The following LIN28A variants were observed in gnomAD, a reference collection of about 807,000 sequenced individuals.
The protein encoded by LIN28A is lin-28 RNA binding posttranscriptional regulator A, also known as protein lin-28 homolog A.
In LIN28A, 11 loss-of-function variants were observed where a neutral mutation model predicts 21.1. The ratio of observed to expected loss-of-function variants is 0.52; its 90% CI spans 0.33 to 0.86. The LOEUF is 0.86. Ranked by LOEUF, LIN28A falls within the 40% of genes least tolerant of loss-of-function variation. The probability of loss-of-function intolerance (pLI) is 0.03; values close to 1 mark genes in which losing one functional copy is unlikely to be tolerated. For synonymous variants in LIN28A, 111 were observed against 108.7 expected (o/e 1.02, Z -0.13); for missense variants, 219 against 279.8 (o/e 0.78, Z 1.55).
At chr1:26,417,079 T>C (rs933226417) in intron 2 of LIN28A, among the ~76,000 whole-genome samples, 5 of 152,230 alleles carry the variant, frequency 3.3e-5, no homozygotes, top group Non-Finnish European at 7.3e-5. Context: ...ACAAGATGAC[T>C]GCCCTAAGGA....
Position 26,411,688 on chromosome 1 carries a change from A to G in LIN28A, c.228+106A>G. On this transcript the variant is annotated intron_variant, in intron 2 of 3. Coordinates refer to ENST00000326279, the MANE Select transcript of LIN28A (RefSeq NM_024674.6). This position sits in a 1 kb window ranked among gnomAD's most constrained non-coding sequence, Gnocchi z 5.4. The stretch of plus-strand genomic sequence containing the variant: ...GAATTGAGGGCCATCGGGAGCCCTC[A>G]TTATGCATCCCTGTCTTTGCTTCGG... 1.8e-6 allele frequency: 2 copies of G among 1,129,116 alleles called. No individual in the cohort carries two copies. The highest frequency in any genetic ancestry group is 1.6e-5 in the African/African-American group (1 of 62,712). The allele number at this position is 1,129,116 out of a possible 1,614,324, so 69.9% of individuals were successfully genotyped here.
intron 2 of LIN28A, among the ~76,000 whole-genome samples, chr1:26,414,397 A>G (rs1006986327): frequency 6.6e-6 from 1 of 152,096 alleles, no homozygotes; most frequent in Non-Finnish European, 1.5e-5. Flanking sequence ...GGGAAAGGCA[A>G]TTTAAAAACA....
In LIN28A at chr1:26,426,224, G is replaced by A. The variant is rs373605669; in HGVS notation, c.414-18G>A. ...TCTTGCTCCTTTCTCTTACTTTTAC[G>A]ATCTTGCTTTGTACTAGGTGCTACA... is the stretch of plus-strand genomic sequence containing the variant. On this transcript the variant is annotated intron_variant, in intron 3 of 3. Transcript: ENST00000326279. 62 of 1,606,190 alleles carry A rather than the reference G, an allele frequency of 3.9e-5. No individual in the cohort carries two copies. Among genetic ancestry groups the A allele is most frequent in the Non-Finnish European group, 4.6e-5 (54 of 1,173,070 alleles).
intron 2 of LIN28A, among the ~76,000 whole-genome samples, chr1:26,424,135 T>C (rs1387392935): frequency 1.3e-5 from 2 of 152,186 alleles, no homozygotes; most frequent in Non-Finnish European, 1.5e-5. Flanking sequence ...TTTGTATTTT[T>C]TCCAGTATTC....
intron 3 of LIN28A, 120 bp from the exon 4 acceptor site, chr1:26,426,122 G>T (rs1259584546): frequency 6.9e-6 from 5 of 720,992 alleles, no homozygotes; most frequent in African/African-American, 3.6e-5. Context: ...GGGAAGTTTG[G>T]TCTCTGGGAA....
chr1:26,421,028 T>C (rs564696901), intron 2 of LIN28A, among the ~76,000 whole-genome samples: 1 of 152,288 alleles, frequency 6.6e-6, no homozygotes, highest in Admixed American at 6.5e-5. Context: ...ACTACTTTTT[T>C]TTTTTTTCTT....
Position 26,411,288 on chromosome 1 carries a change from C to T in LIN28A, c.32-98C>T, listed in dbSNP as rs2074957184. On this transcript the variant is annotated intron_variant, in intron 1 of 3. Coordinates refer to ENST00000326279, the MANE Select transcript of LIN28A (RefSeq NM_024674.6). The surrounding 1 kb of genome is among the most constrained non-coding windows in gnomAD (Gnocchi z 5.4). ...GTAGCTGCCCCCTCCTGGCTGTCCA[C>T]TTGTGGGGCTGGATACTCGGGTCTC... 1 of 1,220,708 alleles carries T rather than the reference C, an allele frequency of 8.2e-7. No homozygotes were observed. The highest frequency in any genetic ancestry group is 1.1e-6 in the Non-Finnish European group (1 of 903,714). The allele number at this position is 1,220,708 out of a possible 1,614,324, so 75.6% of individuals were successfully genotyped here.
At chr1:26,417,323 ACCTCCTTGACACACAC>A (rs1373715342) in intron 2 of LIN28A, among the ~76,000 whole-genome samples, 3 of 151,990 alleles carry the variant, frequency 2.0e-5, no homozygotes, top group East Asian at 1.9e-4. Flanking sequence ...CCTTTCACCA[ACCTCCTTGACACACAC>A]CCTCCTTGAC....
chr1:26,420,003 G>A (rs187630444), intron 2 of LIN28A, among the ~76,000 whole-genome samples: 75 of 152,222 alleles, frequency 4.9e-4, no homozygotes, highest in African/African-American at 1.7e-3. Flanking sequence ...TCTCACCCAG[G>A]CAGGAGTGCA....
At chr1:26,426,203 G>T in intron 3 of LIN28A, 39 bp from the exon 4 acceptor site, 2 of 1,563,954 alleles carry the variant, frequency 1.3e-6, no homozygotes, top group African/African-American at 2.7e-5. Context: ...GCCTCTTCTT[G>T]CTCCTTTCTC....
chr1:26,423,584 T>G (rs1187093584), intron 2 of LIN28A, among the ~76,000 whole-genome samples: 1 of 151,446 alleles, frequency 6.6e-6, no homozygotes, highest in Non-Finnish European at 1.5e-5. Flanking sequence ...TAATTTTGTA[T>G]TTTTAGTAGT....
intron 2 of LIN28A, among the ~76,000 whole-genome samples, chr1:26,412,256 G>A (rs1338686052): frequency 2.0e-5 from 3 of 152,126 alleles, no homozygotes; most frequent in Non-Finnish European, 4.4e-5. Context: ...AAGTCGGTAG[G>A]TCGCAACCCC....
At chr1:26,422,044 T>C (rs1398870196) in intron 2 of LIN28A, among the ~76,000 whole-genome samples, 1 of 150,850 alleles carries the variant, frequency 6.6e-6, no homozygotes, top group Non-Finnish European at 1.5e-5. Flanking sequence ...GGTCTCACTC[T>C]GTCACCCAGC....
At chr1:26,425,691 G>A (rs1208307716) in intron 3 of LIN28A, among the ~76,000 whole-genome samples, 4 of 152,202 alleles carry the variant, frequency 2.6e-5, no homozygotes, top group Non-Finnish European at 5.9e-5. Flanking sequence ...CTTGGGACAA[G>A]TAAGTTTGCT....
Position 26,426,394 on chromosome 1 carries a change from C to T in LIN28A, c.566C>T (p.Thr189Ile), listed in dbSNP as rs201124162. The T allele has an allele frequency of 5.6e-4, 907 of 1,614,096 alleles. No homozygotes were observed. Among genetic ancestry groups the T allele is most frequent in the Non-Finnish European group, 7.1e-4 (837 of 1,180,050 alleles). Residue 189 changes from threonine (T) to isoleucine (I), a missense_variant, in exon 4 of 4, where the codon ACC (threonine) becomes ATC (isoleucine). Around this residue, in one of 3 missense-constraint regions of LIN28A, gnomAD observed 45 missense variants for 37.7 expected, o/e 1.19. Transcript: ENST00000326279. ...GGCCCTAGTGCACAGGGAAAGCCAACCTACTTTCGAGAGGAAGAAGAAGAA... is the reference window on the plus strand; with the variant it reads ...GGCCCTAGTGCACAGGGAAAGCCAATCTACTTTCGAGAGGAAGAAGAAGAA... Reference protein sequence around the residue: ...QQGPSAQGKPTYFREEEEEIH... With the variant: ...QQGPSAQGKPIYFREEEEEIH...
intron 3 of LIN28A, 144 bp downstream of exon 3, chr1:26,425,631 T>A: frequency 1.4e-6 from 1 of 724,798 alleles, no homozygotes; most frequent in Non-Finnish European, 2.3e-6. Context: ...CTGCAATAGG[T>A]GTGGGCAAGG....
chr1:26,425,208 A>T, intron 2 of LIN28A, 95 bp from the exon 3 acceptor site: 1 of 1,223,772 alleles, frequency 8.2e-7, no homozygotes, highest in Non-Finnish European at 1.1e-6. Flanking sequence ...GAGTACCATC[A>T]CATTTGATTC....
intron 2 of LIN28A, among the ~76,000 whole-genome samples, chr1:26,413,740 C>T (rs1159368197): frequency 3.3e-5 from 5 of 151,878 alleles, no homozygotes; most frequent in Non-Finnish European, 7.4e-5. Flanking sequence ...GTCAGGGGTC[C>T]TCCAACCCCA....
intron 2 of LIN28A, among the ~76,000 whole-genome samples, chr1:26,422,576 T>G (rs2075034068): frequency 6.6e-6 from 1 of 152,104 alleles, no homozygotes; most frequent in Admixed American, 6.6e-5. Context: ...TCCCTCAAGG[T>G]TAGATTCAGG....
Sources: allele counts gnomAD v4.1 joint callset (sites outside exome capture counted in the v4.1 genomes callset), GRCh38; gene constraint gnomAD v4.1.1; regional missense constraint gnomAD v4.1.1; non-coding constraint Gnocchi (gnomAD v3.1); transcripts MANE v1.5; gene names NCBI Gene and HGNC (gene_info 2026-07-23, HGNC 2026-07-21).